Variants in CTDP1 observed in about 807,000 individuals in gnomAD.
The protein encoded by CTDP1 is RNA polymerase II subunit A C-terminal domain phosphatase.
A neutral mutation model predicts 91.8 loss-of-function variants in CTDP1; 47 were observed. The observed-to-expected ratio is 0.51, with a 90% CI of 0.41 to 0.65. The LOEUF (loss-of-function observed/expected upper bound fraction) is 0.65, where lower values mean the gene tolerates loss of function less well. CTDP1 is among the 30% of genes least tolerant of loss of function. The probability of loss-of-function intolerance (pLI) is 0.00; values close to 1 mark genes in which losing one functional copy is unlikely to be tolerated. For missense variants in CTDP1, 1,272 were observed against 1,373.7 expected (o/e 0.93, Z 1.17); for synonymous variants, 656 against 598.5 (o/e 1.10, Z -1.40).
intron 5 of CTDP1, 122 bp from the exon 6 acceptor site, chr18:79,710,224 T>G: frequency 1.2e-6 from 1 of 810,712 alleles, no homozygotes; most frequent in Non-Finnish European, 2.2e-6. Flanking sequence ...ATGAAGTGTT[T>G]GGTGCCAGTT....
intron 11 of CTDP1, among the ~76,000 whole-genome samples, chr18:79,731,233 C>T (rs779924121): frequency 2.0e-5 from 3 of 152,176 alleles, no homozygotes; most frequent in Non-Finnish European, 2.9e-5. Context: ...AAGTGCAGCC[C>T]GTCAGGGGGC....
At chr18:79,753,575 C>T (rs2122920871) in intron 12 of CTDP1, 77 bp from the exon 13 acceptor site, 1 of 1,610,956 alleles carries the variant, frequency 6.2e-7, no homozygotes, top group Non-Finnish European at 8.5e-7. Context: ...GAAGCCACTT[C>T]CCAAATGCAG....
Position 79,713,667 on chromosome 18 carries a change from C to T in CTDP1, c.1030+529C>T, listed in dbSNP as rs918120592. ...TTTTTGAAAAATATTTTGAGGCACACGTTTATTGCTGTAGTCACTAAAATG... is the reference window on the plus strand; with the variant it reads ...TTTTTGAAAAATATTTTGAGGCACATGTTTATTGCTGTAGTCACTAAAATG... On this transcript the variant is annotated intron_variant, in intron 7 of 12. Transcript: ENST00000613122. The surrounding 1 kb of genome is among the most constrained non-coding windows in gnomAD (Gnocchi z 4.7). Among the ~76,000 whole-genome samples the T allele has an allele frequency of 2.0e-5, 3 of 152,206 alleles. No homozygotes were observed. The highest frequency in any genetic ancestry group is 2.9e-5 in the Non-Finnish European group (2 of 68,044).
intron 6 of CTDP1, 69 bp from the exon 7 acceptor site, chr18:79,712,903 C>A (rs999846396): frequency 6.5e-7 from 1 of 1,534,908 alleles, no homozygotes; most frequent in Admixed American, 1.7e-5. Context: ...TAAACTGTTA[C>A]GCTTGGCAAG....
upstream of CTDP1, chr18:79,679,201 C>T (rs2085298248): frequency 3.6e-5 from 12 of 332,986 alleles, no homozygotes; most frequent in Middle Eastern, 1.1e-3. Flanking sequence ...CCGAGGGCGG[C>T]GCACCTGCCC....
intron 11 of CTDP1, among the ~76,000 whole-genome samples, chr18:79,734,865 C>T (rs1165696846): frequency 6.6e-6 from 1 of 152,218 alleles, no homozygotes; most frequent in Non-Finnish European, 1.5e-5. Context: ...TTATTAAATA[C>T]CATTCCATGC....
intron 11 of CTDP1, chr18:79,735,747 C>T (rs916310270): frequency 4.5e-5 from 7 of 156,598 alleles, no homozygotes; most frequent in South Asian, 1.9e-4. Flanking sequence ...ACTTGCCTGC[C>T]GCCTCTGTTG....
chr18:79,681,971 A>C (rs2085379350), intron 1 of CTDP1, among the ~76,000 whole-genome samples: 1 of 151,606 alleles, frequency 6.6e-6, no homozygotes, highest in South Asian at 2.1e-4. Flanking sequence ...GCATTTCCGG[A>C]GGTGTTCCTG....
At chr18:79,679,209 C>T (rs1750749119), upstream of CTDP1, 1 of 343,766 alleles carries the variant, frequency 2.9e-6, no homozygotes, top group Non-Finnish European at 5.8e-6. Flanking sequence ...GGCGCACCTG[C>T]CCCTGCGCTT....
At chr18:79,680,331 C>T (rs1278696851) in intron 1 of CTDP1, 70 bp downstream of exon 1, 10 of 1,193,234 alleles carry the variant, frequency 8.4e-6, no homozygotes, top group East Asian at 3.3e-5. Flanking sequence ...GACCCCCGGG[C>T]TGCTGCGTCC....
intron 11 of CTDP1, among the ~76,000 whole-genome samples, chr18:79,733,623 G>C (rs901987680): frequency 9.9e-5 from 15 of 151,872 alleles, no homozygotes; most frequent in African/African-American, 3.6e-4. Flanking sequence ...GGGCCCCAAA[G>C]CTGGCGTCCG....
At chr18:79,704,746 T>A in intron 4 of CTDP1, 21 bp from the exon 5 acceptor site, 1 of 1,612,990 alleles carries the variant, frequency 6.2e-7, no homozygotes, top group Admixed American at 1.7e-5. Context: ...TTCTCCCGAC[T>A]GTTGCTACTA....
intron 1 of CTDP1, among the ~76,000 whole-genome samples, chr18:79,688,889 G>A (rs1022056433): frequency 6.6e-6 from 1 of 152,256 alleles, no homozygotes; most frequent in African/African-American, 2.4e-5. Flanking sequence ...TGCAAGAACA[G>A]TGCACAGAAT....
chr18:79,724,708 C>T (rs2086410553), intron 10 of CTDP1, among the ~76,000 whole-genome samples: 1 of 152,210 alleles, frequency 6.6e-6, no homozygotes, highest in Admixed American at 6.5e-5. Context: ...TCACTTCTTT[C>T]TTTTAGGAAT....
intron 5 of CTDP1, among the ~76,000 whole-genome samples, chr18:79,707,327 GCTGGAGGGAGC>G (rs2085987064): frequency 6.6e-6 from 1 of 152,242 alleles, no homozygotes; most frequent in African/African-American, 2.4e-5. Flanking sequence ...CAGCCTGAAA[GCTGGAGGGAGC>G]CTGGGAGCTG....
chr18:79,680,477 G>A (rs1458902863), intron 1 of CTDP1, among the ~76,000 whole-genome samples: 1 of 152,248 alleles, frequency 6.6e-6, no homozygotes, highest in Non-Finnish European at 1.5e-5. Context: ...AAAGGGTCCT[G>A]CGTAGCGACA....
chr18:79,692,194 A>G (rs1043628033), intron 1 of CTDP1, among the ~76,000 whole-genome samples: 3 of 151,922 alleles, frequency 2.0e-5, no homozygotes, highest in African/African-American at 4.8e-5. Flanking sequence ...GGAACAGTGG[A>G]GAAAACCTTT....
At chr18:79,718,428 T>C (rs1374012472) in intron 10 of CTDP1, among the ~76,000 whole-genome samples, 1 of 152,180 alleles carries the variant, frequency 6.6e-6, no homozygotes, top group Non-Finnish European at 1.5e-5. Context: ...AACCCCAGGC[T>C]GCCCTCTTCG....
chr18:79,741,117 T>C (rs537989919), intron 12 of CTDP1, among the ~76,000 whole-genome samples: 7 of 150,104 alleles, frequency 4.7e-5, no homozygotes, highest in Non-Finnish European at 8.9e-5. Flanking sequence ...GTGTGGTTGA[T>C]CTGTCCCTGA....
Sources: gnomAD v4.1 joint callset for allele counts (sites outside exome capture counted in the v4.1 genomes callset) on GRCh38, gnomAD v4.1.1 for gene constraint, Gnocchi (gnomAD v3.1) non-coding constraint, MANE v1.5 for transcripts, NCBI Gene and HGNC (gene_info 2026-07-23, HGNC 2026-07-21) for gene names.